The following HSF2 variants were observed in gnomAD, a reference collection of about 807,000 sequenced individuals.
HSF2 encodes the protein heat shock factor protein 2.
A neutral mutation model predicts 65.0 loss-of-function variants in HSF2; 21 were observed. The ratio of observed to expected loss-of-function variants is 0.32; its 90% CI spans 0.23 to 0.47. HSF2 has a LOEUF of 0.47. HSF2 is among the 20% of genes least tolerant of loss of function. The pLI is 1.00. For missense variants in HSF2, 499 were observed against 628.1 expected, an observed-to-expected ratio of 0.79 and a Z score of 2.20; for synonymous variants, 225 against 219.1, an observed-to-expected ratio of 1.03 and a Z score of -0.24.
intron 4 of HSF2, among the ~76,000 whole-genome samples, chr6:122,415,575 A>T (rs1397695651): frequency 6.6e-6 from 1 of 152,160 alleles, no homozygotes; most frequent in Non-Finnish European, 1.5e-5. Context: ...CCACAGTTGA[A>T]AGATTAGCTT....
intron 11 of HSF2, among the ~76,000 whole-genome samples, chr6:122,431,178 C>T (rs1405626642): frequency 1.3e-5 from 2 of 151,992 alleles, no homozygotes; most frequent in Non-Finnish European, 2.9e-5. Context: ...TGAAATCCCC[C>T]TTCATTTCAT....
intron 10 of HSF2, among the ~76,000 whole-genome samples, chr6:122,425,691 A>G (rs770176403): frequency 2.6e-5 from 4 of 151,748 alleles, no homozygotes; most frequent in Non-Finnish European, 4.4e-5. Flanking sequence ...TTTTTCTACT[A>G]TCTTCTACTT....
intron 1 of HSF2, among the ~76,000 whole-genome samples, chr6:122,400,341 T>C (rs1053537750): frequency 2.0e-5 from 3 of 152,178 alleles, no homozygotes; most frequent in Non-Finnish European, 2.9e-5. Flanking sequence ...GGCATCTTTA[T>C]GTGGAGAGCA....
chr6:122,422,990 T>G, intron 9 of HSF2, 33 bp downstream of exon 9: 1 of 1,608,644 alleles, frequency 6.2e-7, no homozygotes. Context: ...TCTAAAATTA[T>G]TTGCTTTCTT....
intron 5 of HSF2, 25 bp from the exon 6 acceptor site, chr6:122,419,143 T>C: frequency 9.0e-7 from 1 of 1,116,244 alleles, no homozygotes; most frequent in Non-Finnish European, 1.4e-6. Context: ...TATAATGAAA[T>C]AATTTTTGTT....
intron 10 of HSF2, among the ~76,000 whole-genome samples, 166 bp from the exon 11 acceptor site, chr6:122,427,737 G>C (rs1474072395): frequency 6.6e-6 from 1 of 151,962 alleles, no homozygotes; most frequent in African/African-American, 2.4e-5. Flanking sequence ...TTCTGCTTTT[G>C]TTTGTTTTTC....
At chr6:122,426,102 T>C (rs986896003) in intron 10 of HSF2, among the ~76,000 whole-genome samples, 2 of 152,116 alleles carry the variant, frequency 1.3e-5, no homozygotes, top group African/African-American at 4.8e-5. Context: ...CTATATTCTG[T>C]TTTCACTATT....
At chr6:122,399,884 C>A in intron 1 of HSF2, 54 bp downstream of exon 1, 1 of 1,314,702 alleles carries the variant, frequency 7.6e-7, no homozygotes, top group Non-Finnish European at 1.1e-6. Context: ...CCTCCTCACT[C>A]GCTCTCCTGC....
Position 122,420,217 on chromosome 6 carries a change from C to G in HSF2, c.676C>G (p.His226Asp). The change falls in exon 7 of 13, where the codon CAT (histidine) becomes GAT (aspartate). Residue 226 changes from histidine (H) to aspartate (D), a missense_variant. His to Asp is a moderately conservative substitution (Grantham distance 81). Transcript: ENST00000368455. ...CAAAGAACCAACTGATAATCATCAT[C>G]ATAAAGTAATTTTTTAGTTAGGGTC... ...IVKEPTDNHH[H>D]KVPHSRTEGL... The G allele has an allele frequency of 1.3e-6, 2 of 1,592,136 alleles. No homozygotes were observed. Among genetic ancestry groups the G allele is most frequent in the South Asian group, 2.2e-5 (2 of 89,470 alleles).
At chr6:122,424,534 A>G (rs1344780764) in intron 10 of HSF2, among the ~76,000 whole-genome samples, 1 of 151,982 alleles carries the variant, frequency 6.6e-6, no homozygotes, top group Non-Finnish European at 1.5e-5. Flanking sequence ...AATTTACTGC[A>G]TTACTCCTCT....
At chr6:122,417,213 T>G (rs1481122507) in intron 5 of HSF2, among the ~76,000 whole-genome samples, 1 of 152,104 alleles carries the variant, frequency 6.6e-6, no homozygotes, top group Non-Finnish European at 1.5e-5. Flanking sequence ...TCTAAGTGTT[T>G]AGTCCAAGTA....
intron 1 of HSF2, among the ~76,000 whole-genome samples, chr6:122,411,616 A>G (rs1007910599): frequency 3.3e-5 from 5 of 151,902 alleles, no homozygotes; most frequent in Non-Finnish European, 7.4e-5. Context: ...ATGTTATCAG[A>G]TAAGGGTCTA....
intron 1 of HSF2, among the ~76,000 whole-genome samples, chr6:122,411,757 A>G (rs1774000526): frequency 6.6e-6 from 1 of 151,686 alleles, no homozygotes; most frequent in Non-Finnish European, 1.5e-5. Flanking sequence ...TGGGCTGTCT[A>G]TTTTATTTCA....
At chr6:122,407,047 A>G (rs776491112) in intron 1 of HSF2, among the ~76,000 whole-genome samples, 6 of 152,204 alleles carry the variant, frequency 3.9e-5, no homozygotes, top group Non-Finnish European at 5.9e-5. Context: ...TCTTCTGTGA[A>G]GATAGAAGGA....
Position 122,422,461 on chromosome 6 carries a change from C to T in HSF2, c.830+163C>T, listed in dbSNP as rs182550426. Among the ~76,000 whole-genome samples the T allele has an allele frequency of 6.2e-4, 95 of 152,252 alleles. 1 individual carries two copies. The highest frequency in any genetic ancestry group is 2.3e-3 in the African/African-American group (94 of 41,552). On this transcript the variant is annotated intron_variant, in intron 8 of 12. Transcript: ENST00000368455. ...AATTATTCAACCAGATAAAACCTCA[C>T]CTCCTCTTCCTCTCAAAGGAGGTAT...
At chr6:122,431,582 G>T in intron 12 of HSF2, 68 bp downstream of exon 12, 1 of 848,846 alleles carries the variant, frequency 1.2e-6, no homozygotes. Context: ...AGTGCAAGCC[G>T]AGGGTAGTCT....
intron 1 of HSF2, among the ~76,000 whole-genome samples, chr6:122,411,798 C>G (rs1225938810): frequency 6.6e-6 from 1 of 151,752 alleles, no homozygotes; most frequent in Non-Finnish European, 1.5e-5. Context: ...TATGCCAGTA[C>G]CATGCTACTT....
intron 3 of HSF2, 97 bp downstream of exon 3, chr6:122,412,861 C>A: frequency 8.8e-7 from 1 of 1,131,614 alleles, no homozygotes; most frequent in South Asian, 1.8e-5. Context: ...AAATGCACAA[C>A]TGTTCCTTGT....
chr6:122,419,127 T>G, intron 5 of HSF2, 41 bp from the exon 6 acceptor site: 1 of 938,706 alleles, frequency 1.1e-6, no homozygotes. Flanking sequence ...ACAAAAGAAT[T>G]AACAGTATAA....
Sources: allele counts gnomAD v4.1 joint callset (sites outside exome capture counted in the v4.1 genomes callset), GRCh38; gene constraint gnomAD v4.1.1; transcripts MANE v1.5; gene names NCBI Gene and HGNC (gene_info 2026-07-23, HGNC 2026-07-21).